The following SLC44A1 variants were observed in gnomAD, a reference collection of about 807,000 sequenced individuals.
SLC44A1 encodes choline transporter-like protein 1.
SLC44A1 carries 26 observed loss-of-function variants against 79.3 expected under a neutral mutation model. The observed-to-expected ratio is 0.33, with a 90% CI of 0.24 to 0.46. SLC44A1 has a LOEUF of 0.46. SLC44A1 is among the 20% of genes least tolerant of loss of function. SLC44A1 has a pLI of 1.00. For synonymous variants in SLC44A1, 263 were observed against 286.2 expected (o/e 0.92, Z 0.82); for missense variants, 688 against 798.1 (o/e 0.86, Z 1.66).
intron 2 of SLC44A1, chr9:105,299,960 A>G (rs1210027230): frequency 1.9e-5 from 19 of 984,526 alleles, no homozygotes; most frequent in South Asian, 4.7e-5. Context: ...TGCACATTCA[A>G]TTGCATACTC....
At chr9:105,254,546 G>A (rs1829660446) in intron 1 of SLC44A1, among the ~76,000 whole-genome samples, 1 of 152,138 alleles carries the variant, frequency 6.6e-6, no homozygotes, top group African/African-American at 2.4e-5. Context: ...CTATGGTTTT[G>A]CCATTTTCTT....
At chr9:105,246,720 G>A (rs1449763170) in intron 1 of SLC44A1, among the ~76,000 whole-genome samples, 1 of 152,156 alleles carries the variant, frequency 6.6e-6, no homozygotes, top group Non-Finnish European at 1.5e-5. Context: ...GTGGTGAAAT[G>A]CCTTTAAGAC....
At position 105,389,974 on chromosome 9, in the gene SLC44A1, TTGGGC is replaced by T; in HGVS notation, c.*920_*924del. The T allele has an allele frequency of 2.7e-6, 4 of 1,466,452 alleles. No individual in the cohort carries two copies. Among genetic ancestry groups the T allele is most frequent in the Non-Finnish European group, 3.6e-6 (4 of 1,110,540 alleles). The allele number at this position is 1,466,452 out of a possible 1,614,324, so 90.8% of individuals were successfully genotyped here. A position where few individuals can be genotyped will look rare whatever the true frequency, so the allele number is the denominator to read the frequency against. ...CATAAAGCATTGAAAATTCCGGTGC[TTGGGC>T]TTCGGCTTCAGAGTAACGTCAGTGG... On this transcript the variant is annotated 3_prime_UTR_variant, in exon 16 of 16. Coordinates refer to ENST00000374720, the MANE Select transcript of SLC44A1 (RefSeq NM_080546.5).
At chr9:105,302,075 T>G (rs1830894834) in intron 2 of SLC44A1, among the ~76,000 whole-genome samples, 1 of 152,214 alleles carries the variant, frequency 6.6e-6, no homozygotes, top group South Asian at 2.1e-4. Flanking sequence ...TTTCTTCCCT[T>G]AGTTTCAAGG....
chr9:105,294,406 T>C (rs1364267629), intron 1 of SLC44A1, among the ~76,000 whole-genome samples: 3 of 152,142 alleles, frequency 2.0e-5, no homozygotes, highest in African/African-American at 7.2e-5. Context: ...AAAGTGTTCA[T>C]GTCTGAGAGA....
chr9:105,392,064 G>A lies in SLC44A1; in HGVS notation c.*3008G>A. 1 of 985,184 alleles carries A rather than the reference G, an allele frequency of 1.0e-6. No homozygotes were observed. The highest frequency in any genetic ancestry group is 1.2e-6 in the Non-Finnish European group (1 of 829,790). 61.0% of individuals were successfully genotyped at this position (985,184 alleles called of 1,614,324 possible). A position where few individuals can be genotyped will look rare whatever the true frequency, so the allele number is the denominator to read the frequency against. On this transcript the variant is annotated 3_prime_UTR_variant, in exon 16 of 16. Coordinates refer to ENST00000374720, the MANE Select transcript of SLC44A1 (RefSeq NM_080546.5). The stretch of plus-strand genomic sequence containing the variant: ...AAGTTATATTTCAGTGTAAATCCAA[G>A]AGACCCATCTTCTATGAGAGGCTTA...
chr9:105,316,575 TG>T (rs1301386475), intron 3 of SLC44A1, among the ~76,000 whole-genome samples: 1 of 152,180 alleles, frequency 6.6e-6, no homozygotes, highest in African/African-American at 2.4e-5. Flanking sequence ...ATACATTACT[TG>T]GGTAATGGAA....
chr9:105,354,881 T>C (rs991700526), intron 5 of SLC44A1, among the ~76,000 whole-genome samples: 3 of 152,248 alleles, frequency 2.0e-5, no homozygotes, highest in African/African-American at 7.2e-5. Flanking sequence ...CTTCAGGTCA[T>C]ACAAAGTTGC....
chr9:105,285,912 C>G (rs1450899733), intron 1 of SLC44A1, among the ~76,000 whole-genome samples: 3 of 152,094 alleles, frequency 2.0e-5, no homozygotes, highest in African/African-American at 7.2e-5. Context: ...ACCCATCTGG[C>G]CAACATGATG....
At chr9:105,263,286 T>A (rs751248625) in intron 1 of SLC44A1, among the ~76,000 whole-genome samples, 64 of 152,222 alleles carry the variant, frequency 4.2e-4, no homozygotes, top group Admixed American at 2.4e-3. Flanking sequence ...TACCGAGCTC[T>A]GTGTCCATGT....
chr9:105,283,717 C>T (rs73510281), intron 1 of SLC44A1, among the ~76,000 whole-genome samples: 6,337 of 152,220 alleles, frequency 0.042, 441 homozygotes, highest in African/African-American at 0.14. Context: ...AAAATCCAAT[C>T]CCAATATGTG....
intron 3 of SLC44A1, among the ~76,000 whole-genome samples, chr9:105,317,970 T>C (rs915140689): frequency 1.8e-4 from 27 of 152,084 alleles, no homozygotes; most frequent in African/African-American, 6.0e-4. Flanking sequence ...AAAGCACTCC[T>C]CTCTCTGTCT....
chr9:105,373,293 A>G (rs1828170921), intron 12 of SLC44A1, among the ~76,000 whole-genome samples: 1 of 152,230 alleles, frequency 6.6e-6, no homozygotes, highest in African/African-American at 2.4e-5. Context: ...CTCAGGACCA[A>G]AAGTTTTAGT....
chr9:105,264,320 C>A (rs570704185), intron 1 of SLC44A1, among the ~76,000 whole-genome samples: 1 of 152,128 alleles, frequency 6.6e-6, no homozygotes, highest in Non-Finnish European at 1.5e-5. Flanking sequence ...TGCACCACCA[C>A]GCCTAGCTGA....
At chr9:105,375,863 CTA>C (rs1295828418) in intron 13 of SLC44A1, among the ~76,000 whole-genome samples, 2 of 152,148 alleles carry the variant, frequency 1.3e-5, no homozygotes, top group African/African-American at 4.8e-5. Flanking sequence ...ACTACCACCA[CTA>C]TAACTAAATA....
chr9:105,396,740 T>C lies in SLC44A1; in HGVS notation c.*7684T>C. ...TTTTGTCTTTTTTTTTTTTTGCCAT[T>C]TGCATCCTATTTCATAGTGCCAAAA... is the stretch of plus-strand genomic sequence containing the variant. On this transcript the variant is annotated 3_prime_UTR_variant, in exon 16 of 16. Transcript: ENST00000374720. 1 of 985,288 alleles carries C rather than the reference T, an allele frequency of 1.0e-6. No individual in the cohort carries two copies. Among genetic ancestry groups the C allele is most frequent in the Non-Finnish European group, 1.2e-6 (1 of 829,836 alleles). 61.0% of individuals were successfully genotyped at this position (985,288 alleles called of 1,614,324 possible).
intron 13 of SLC44A1, among the ~76,000 whole-genome samples, chr9:105,381,141 G>GAA (rs2131460400): frequency 6.6e-6 from 1 of 152,250 alleles, no homozygotes; most frequent in African/African-American, 2.4e-5. Flanking sequence ...TTAATGGCAT[G>GAA]GTGAGAGCAT....
intron 1 of SLC44A1, among the ~76,000 whole-genome samples, chr9:105,255,101 G>GTTT (rs74312883): frequency 8.9e-6 from 1 of 111,882 alleles, no homozygotes. Context: ...AGGTTTTTTT[G>GTTT]TTTTTTTTTT....
At chr9:105,255,824 C>T (rs979945472) in intron 1 of SLC44A1, among the ~76,000 whole-genome samples, 1 of 152,132 alleles carries the variant, frequency 6.6e-6, no homozygotes, top group African/African-American at 2.4e-5. Flanking sequence ...CTGAGTTTCA[C>T]CAGCTATAAA....
Sources: allele counts gnomAD v4.1 joint callset (sites outside exome capture counted in the v4.1 genomes callset), GRCh38; gene constraint gnomAD v4.1.1; transcripts MANE v1.5; gene names NCBI Gene and HGNC (gene_info 2026-07-23, HGNC 2026-07-21).